PAPSS1: variants seen among roughly 807,000 people sequenced by gnomAD.
PAPSS1 encodes the protein bifunctional 3'-phosphoadenosine 5'-phosphosulfate synthase 1.
Under a neutral mutation model 72.0 loss-of-function variants are expected in PAPSS1, and 50 were observed. The ratio of observed to expected loss-of-function variants is 0.69; its 90% CI spans 0.55 to 0.88. The LOEUF is 0.88. PAPSS1 is among the 40% of genes least tolerant of loss of function. PAPSS1 has a pLI of 0.00. For synonymous variants in PAPSS1, 261 were observed against 263.6 expected, an observed-to-expected ratio of 0.99 and a Z score of 0.09; for missense variants, 657 against 782.2, an observed-to-expected ratio of 0.84 and a Z score of 1.91.
At chr4:107,623,716 G>A (rs1440519932) in intron 11 of PAPSS1, among the ~76,000 whole-genome samples, 1 of 151,274 alleles carries the variant, frequency 6.6e-6, no homozygotes, top group Non-Finnish European at 1.5e-5. Flanking sequence ...CCTTGATCAT[G>A]GGCAGAGTTG....
At chr4:107,719,738 T>A in intron 1 of PAPSS1, 1 of 979,540 alleles carries the variant, frequency 1.0e-6, no homozygotes, top group Non-Finnish European at 1.3e-6. Flanking sequence ...TTCAGGCCAC[T>A]CCAAGGTATG....
rs184693518 is a variant in PAPSS1, at chr4:107,713,714, T to C, written c.60+6406A>G. ...TGGAGGTTGCCGTGAGCCAAGGTCATACCACTGCACTCTAGTCTGGCAACA... is the reference window on the plus strand; with the variant it reads ...TGGAGGTTGCCGTGAGCCAAGGTCACACCACTGCACTCTAGTCTGGCAACA... On this transcript the variant is annotated intron_variant, in intron 1 of 11. Transcript: ENST00000265174. 2.9e-3 allele frequency among the ~76,000 whole-genome samples: 430 copies of C among 146,204 alleles called. 1 individual carries two copies. Among genetic ancestry groups the C allele is most frequent in the African/African-American group, 0.011 (415 of 39,206 alleles).
chr4:107,684,137 T>C lies in PAPSS1; in HGVS notation c.551-2004A>G, dbSNP rs139729461. Among the ~76,000 whole-genome samples, 6 of 152,248 alleles carry C rather than the reference T, an allele frequency of 3.9e-5. No individual in the cohort carries two copies. The East Asian group carries it at 7.7e-4, about 20-fold the overall frequency. On this transcript the variant is annotated intron_variant, in intron 4 of 11. Transcript: ENST00000265174. ...ACAAACTGTAAGAGACCCAAGAGCA[T>C]TGTGGACAAGGTCTTATTCATCTTT... is the stretch of plus-strand genomic sequence containing the variant.
chr4:107,628,862 T>C (rs1560565208), intron 11 of PAPSS1, among the ~76,000 whole-genome samples: 1 of 152,188 alleles, frequency 6.6e-6, no homozygotes, highest in East Asian at 1.9e-4. Context: ...TCTCAAGTTA[T>C]ATAGCAAGGA....
At chr4:107,685,866 T>C (rs1722769724) in intron 4 of PAPSS1, among the ~76,000 whole-genome samples, 1 of 152,222 alleles carries the variant, frequency 6.6e-6, no homozygotes, top group East Asian at 1.9e-4. Flanking sequence ...AGAGAGCTCC[T>C]GGGAGTTTCT....
At chr4:107,680,731 G>C (rs1273342360) in intron 5 of PAPSS1, among the ~76,000 whole-genome samples, 1 of 152,160 alleles carries the variant, frequency 6.6e-6, no homozygotes, top group Non-Finnish European at 1.5e-5. Flanking sequence ...TGGATGCTGG[G>C]ACAGCTTTGG....
intron 8 of PAPSS1, 101 bp from the exon 9 acceptor site, chr4:107,653,727 TC>T: frequency 3.6e-6 from 3 of 824,334 alleles, no homozygotes; most frequent in Non-Finnish European, 5.3e-6. Flanking sequence ...GCTACTCTCA[TC>T]TTAAATGAGG....
At chr4:107,642,554 G>A (rs1201622752) in intron 10 of PAPSS1, among the ~76,000 whole-genome samples, 5 of 152,056 alleles carry the variant, frequency 3.3e-5, no homozygotes, top group African/African-American at 7.2e-5. Context: ...TCTTTATAAG[G>A]ATTTAGTTAA....
intron 1 of PAPSS1, among the ~76,000 whole-genome samples, chr4:107,712,805 G>T (rs574263413): frequency 6.6e-6 from 1 of 151,592 alleles, no homozygotes; most frequent in Non-Finnish European, 1.5e-5. Flanking sequence ...CCAGGGATGC[G>T]GAGGTTGCAG....
rs1440288987 is a variant in PAPSS1 at position 107,654,585 on chromosome 4, T to C, written c.1101+110A>G. 4 of 853,088 alleles carry C rather than the reference T, an allele frequency of 4.7e-6. No homozygotes were observed. In the African/African-American group the frequency reaches 5.0e-5, roughly 11 times the overall value. The allele number at this position is 853,088 out of a possible 1,614,324, so 52.8% of individuals were successfully genotyped here. On this transcript the variant is annotated intron_variant, in intron 8 of 11. Coordinates refer to ENST00000265174, the MANE Select transcript of PAPSS1 (RefSeq NM_005443.5). ...ATAATCTAAGGTCCAATCTCTACTATGCAAAATATTAACAATTCCAATGAA... is the reference window on the plus strand; with the variant it reads ...ATAATCTAAGGTCCAATCTCTACTACGCAAAATATTAACAATTCCAATGAA...
chr4:107,623,313 C>T (rs555499887), intron 11 of PAPSS1, among the ~76,000 whole-genome samples: 84 of 152,064 alleles, frequency 5.5e-4, no homozygotes, highest in Non-Finnish European at 1.1e-3. Context: ...GCTTTGTTGC[C>T]TTGTATCCTT....
At chr4:107,668,039 C>G (rs1300007276) in intron 5 of PAPSS1, among the ~76,000 whole-genome samples, 1 of 152,104 alleles carries the variant, frequency 6.6e-6, no homozygotes, top group Non-Finnish European at 1.5e-5. Flanking sequence ...AGTTAGGGAA[C>G]AACTGATCAA....
intron 4 of PAPSS1, among the ~76,000 whole-genome samples, chr4:107,686,788 GT>G (rs1243529479): frequency 9.9e-5 from 15 of 152,144 alleles, no homozygotes; most frequent in Admixed American, 9.8e-4. Context: ...TATCAAGTAG[GT>G]TTTCGCCAAC....
chr4:107,621,608 C>CTTTTTTTTTTTTTTTTTTTTT lies in PAPSS1; in HGVS notation c.1737-7242_1737-7222dup, dbSNP rs10670438. 4.6e-4 allele frequency among the ~76,000 whole-genome samples: 22 copies of CTTTTTTTTTTTTTTTTTTTTT among 48,152 alleles called. 5 individuals carry two copies. The highest frequency in any genetic ancestry group is 9.5e-4 in the South Asian group (1 of 1,050). The allele number at this position is 48,152 out of a possible 152,430, so 31.6% of individuals were successfully genotyped here. A position where few individuals can be genotyped will look rare whatever the true frequency, so the allele number is the denominator to read the frequency against. On this transcript the variant is annotated intron_variant, in intron 11 of 11. Coordinates refer to ENST00000265174, the MANE Select transcript of PAPSS1 (RefSeq NM_005443.5). ...CTTTCTAGGAAGACAGGTTTTTTATCTTTTTTTTTTTTTTTTTTTTTTTTT... is the reference window on the plus strand; with the variant it reads ...CTTTCTAGGAAGACAGGTTTTTTATCTTTTTTTTTTTTTTTTTTTTTTTTTTTTTTTTTTTTTTTTTTTTTT...
rs753495043 is a variant in PAPSS1, at chr4:107,645,004, G to T, written c.1304C>A (p.Thr435Asn). 1 of 1,611,270 alleles carries T rather than the reference G, an allele frequency of 6.2e-7. No individual in the cohort carries two copies. The highest frequency in any genetic ancestry group is 8.5e-7 in the Non-Finnish European group (1 of 1,178,376). Residue 435 changes from threonine (T) to asparagine (N), a missense_variant, in exon 10 of 12, where the codon ACC becomes AAC. Transcript: ENST00000265174. ...HNGHALLMQDTHKQLLERGYR... is the reference protein window; with the variant it reads ...HNGHALLMQDNHKQLLERGYR... ...GCCCCTCTCTAGAAGTTGCTTATGGGTATCCTGCATTAACAGGGCATGTCC... is the reference window on the plus strand; with the variant it reads ...GCCCCTCTCTAGAAGTTGCTTATGGTTATCCTGCATTAACAGGGCATGTCC...
intron 4 of PAPSS1, 51 bp from the exon 5 acceptor site, chr4:107,682,184 G>A (rs1372040739): frequency 4.1e-6 from 4 of 983,926 alleles, no homozygotes; most frequent in Non-Finnish European, 6.4e-6. Context: ...AATTAAAATA[G>A]TTTATTTTTT....
chr4:107,675,746 G>C (rs948735800), intron 5 of PAPSS1, among the ~76,000 whole-genome samples: 3 of 152,156 alleles, frequency 2.0e-5, no homozygotes, highest in African/African-American at 7.2e-5. Context: ...GAAAATTTTA[G>C]ACCAATATCC....
chr4:107,665,702 T>C (rs1325185669), intron 5 of PAPSS1, among the ~76,000 whole-genome samples: 2 of 152,162 alleles, frequency 1.3e-5, no homozygotes, highest in Non-Finnish European at 2.9e-5. Context: ...AGTCTAGAGA[T>C]ATTATAAATT....
At chr4:107,656,312 C>T (rs1727003545) in intron 7 of PAPSS1, among the ~76,000 whole-genome samples, 1 of 152,136 alleles carries the variant, frequency 6.6e-6, no homozygotes, top group African/African-American at 2.4e-5. Flanking sequence ...GATGGGGTTT[C>T]ACCATGTTGG....
Sources: gnomAD v4.1 joint callset for allele counts (sites outside exome capture counted in the v4.1 genomes callset) on GRCh38, gnomAD v4.1.1 for gene constraint, MANE v1.5 for transcripts, NCBI Gene and HGNC (gene_info 2026-07-23, HGNC 2026-07-21) for gene names.